MCTP2: variants seen among roughly 807,000 people sequenced by gnomAD.
The protein encoded by MCTP2 is multiple C2 and transmembrane domain-containing protein 2.
A neutral mutation model predicts 111.6 loss-of-function variants in MCTP2; 132 were observed. The ratio of observed to expected loss-of-function variants is 1.18; its 90% CI spans 1.03 to 1.37. MCTP2 has a LOEUF of 1.37. MCTP2 is among the 40% of genes most tolerant of loss of function. MCTP2 has a pLI of 0.00. For synonymous variants in MCTP2, 395 were observed against 387.7 expected (o/e 1.02, Z -0.22); for missense variants, 1,183 against 1,067.9 (o/e 1.11, Z -1.50).
At chr15:94,295,592 A>C (rs537410601) in intron 1 of MCTP2, among the ~76,000 whole-genome samples, 24 of 151,944 alleles carry the variant, frequency 1.6e-4, no homozygotes, top group African/African-American at 5.8e-4. Context: ...CCAAACTTCA[A>C]TCTCATTATT....
chr15:94,281,164 T>C (rs111417584), intron 1 of MCTP2, among the ~76,000 whole-genome samples: 3 of 152,180 alleles, frequency 2.0e-5, no homozygotes, highest in African/African-American at 7.2e-5. Flanking sequence ...ACAGTGTCAG[T>C]GGTTTGAAGT....
intron 4 of MCTP2, among the ~76,000 whole-genome samples, chr15:94,319,348 T>C (rs1352175327): frequency 3.3e-5 from 5 of 152,216 alleles, no homozygotes; most frequent in Non-Finnish European, 5.9e-5. Flanking sequence ...CATTATTTTC[T>C]ACAAAACCCA....
chr15:94,347,392 C>G (rs760518127), intron 8 of MCTP2, among the ~76,000 whole-genome samples: 23 of 152,084 alleles, frequency 1.5e-4, no homozygotes, highest in Non-Finnish European at 2.5e-4. Context: ...AATGTATTAC[C>G]TAAAAATATC....
At chr15:94,296,714 G>A (rs909614214) in intron 1 of MCTP2, among the ~76,000 whole-genome samples, 5 of 152,232 alleles carry the variant, frequency 3.3e-5, no homozygotes, top group African/African-American at 1.2e-4. Context: ...CACTGGGTGG[G>A]TGAGGCAATG....
At chr15:94,472,982 TTTCTTA>T (rs1280028677) in intron 21 of MCTP2, among the ~76,000 whole-genome samples, 5 of 152,240 alleles carry the variant, frequency 3.3e-5, no homozygotes, top group East Asian at 3.8e-4. Context: ...ATCAGAAGAC[TTTCTTA>T]TTCTAAGTTA....
At chr15:94,464,951 CATTAG>C (rs1252890033) in intron 20 of MCTP2, among the ~76,000 whole-genome samples, 2 of 150,096 alleles carry the variant, frequency 1.3e-5, no homozygotes, top group Non-Finnish European at 3.0e-5. Context: ...TCTCTATATT[CATTAG>C]ATTAAATTTG....
At chr15:94,299,550 G>A (rs1365261851) in intron 2 of MCTP2, among the ~76,000 whole-genome samples, 2 of 152,100 alleles carry the variant, frequency 1.3e-5, no homozygotes, top group Non-Finnish European at 2.9e-5. Flanking sequence ...CAAATATAAT[G>A]ATGACACAAA....
intron 1 of MCTP2, among the ~76,000 whole-genome samples, chr15:94,285,509 A>T (rs548666287): frequency 8.6e-6 from 1 of 116,768 alleles, no homozygotes; most frequent in Non-Finnish European, 1.9e-5. Flanking sequence ...TTTGCTTCAC[A>T]ATTTATTTTT....
intron 2 of MCTP2, among the ~76,000 whole-genome samples, chr15:94,300,193 T>C (rs2075535225): frequency 1.3e-5 from 2 of 152,234 alleles, no homozygotes; most frequent in East Asian, 1.9e-4. Context: ...TTGAAGCGAC[T>C]GCTGTTAAAC....
At chr15:94,238,261 G>A (rs994947662) in intron 1 of MCTP2, among the ~76,000 whole-genome samples, 4 of 152,074 alleles carry the variant, frequency 2.6e-5, no homozygotes, top group African/African-American at 9.7e-5. Flanking sequence ...CAGAATTTGA[G>A]CCCATATAAT....
intron 1 of MCTP2, among the ~76,000 whole-genome samples, chr15:94,297,148 T>C (rs2075311668): frequency 6.6e-6 from 1 of 152,224 alleles, no homozygotes; most frequent in Non-Finnish European, 1.5e-5. Context: ...TCCTGTTCTT[T>C]TTCATACTGA....
intron 2 of MCTP2, among the ~76,000 whole-genome samples, chr15:94,299,014 T>TCC (rs1457115578): frequency 2.7e-4 from 21 of 78,062 alleles, no homozygotes; most frequent in African/African-American, 7.7e-4. Context: ...TCTCTCCCTC[T>TCC]CTCCCTCCCT....
intron 1 of MCTP2, among the ~76,000 whole-genome samples, chr15:94,243,859 A>G (rs577476040): frequency 1.3e-5 from 2 of 148,322 alleles, no homozygotes; most frequent in East Asian, 2.1e-4. Context: ...ATATGTATAC[A>G]CATACATATG....
intron 19 of MCTP2, among the ~76,000 whole-genome samples, chr15:94,447,405 T>C (rs2084180746): frequency 6.6e-6 from 1 of 152,220 alleles, no homozygotes; most frequent in African/African-American, 2.4e-5. Flanking sequence ...TTTGTTTGTT[T>C]GTTTTTTGAG....
intron 1 of MCTP2, among the ~76,000 whole-genome samples, chr15:94,284,461 T>C (rs577089648): frequency 4.5e-4 from 69 of 152,214 alleles, no homozygotes; most frequent in Non-Finnish European, 7.5e-4. Context: ...ATATTATAGA[T>C]CTTTCCATAA....
At chr15:94,255,684 G>C (rs2072718589) in intron 1 of MCTP2, among the ~76,000 whole-genome samples, 1 of 152,076 alleles carries the variant, frequency 6.6e-6, no homozygotes, top group African/African-American at 2.4e-5. Context: ...ATTAAGGGTG[G>C]ACCAGCAGAA....
intron 8 of MCTP2, among the ~76,000 whole-genome samples, chr15:94,348,768 G>A (rs1020991089): frequency 6.6e-6 from 1 of 151,752 alleles, no homozygotes; most frequent in African/African-American, 2.4e-5. Flanking sequence ...GAAGTGTGTT[G>A]TACCTGGAAT....
rs573113406 is a variant in MCTP2, at chr15:94,343,579, C to T, written c.970-1550C>T. 3.9e-5 allele frequency: 6 copies of T among 152,262 alleles called. No individual in the cohort carries two copies. The South Asian group carries it at 1.2e-3, about 32-fold the overall frequency. 9.4% of individuals were successfully genotyped at this position (152,262 alleles called of 1,614,324 possible). On this transcript the variant is annotated intron_variant, in intron 7 of 22. Transcript: ENST00000357742. The stretch of plus-strand genomic sequence containing the variant: ...AGAATGGTGCAGGCAGAAGGGAAGA[C>T]ACTGGCTGCAAGGCTGACAAACATA...
At chr15:94,389,712 T>G (rs2080760076) in intron 14 of MCTP2, among the ~76,000 whole-genome samples, 1 of 152,122 alleles carries the variant, frequency 6.6e-6, no homozygotes, top group African/African-American at 2.4e-5. Flanking sequence ...TTATTTTAGG[T>G]TTAAAAACAG....
Sources: allele counts gnomAD v4.1 joint callset (sites outside exome capture counted in the v4.1 genomes callset), GRCh38; gene constraint gnomAD v4.1.1; transcripts MANE v1.5; gene names NCBI Gene and HGNC (gene_info 2026-07-23, HGNC 2026-07-21).